The following ERICH3 variants were observed in gnomAD, a reference collection of about 807,000 sequenced individuals.
ERICH3 encodes glutamate-rich protein 3.
A neutral mutation model predicts 131.1 loss-of-function variants in ERICH3; 126 were observed. The observed-to-expected ratio is 0.96, with a 90% CI of 0.83 to 1.11. The LOEUF is 1.11. ERICH3 is among the 50% of genes most tolerant of loss of function. The probability of loss-of-function intolerance (pLI) is 0.00; values close to 1 mark genes in which losing one functional copy is unlikely to be tolerated. For missense variants in ERICH3, 2,050 were observed against 1,810.7 expected, an observed-to-expected ratio of 1.13 and a Z score of -2.40; for synonymous variants, 695 against 644.6, an observed-to-expected ratio of 1.08 and a Z score of -1.18.
chr1:74,670,468 C>T (rs916603495), intron 1 of ERICH3, among the ~76,000 whole-genome samples: 2 of 152,200 alleles, frequency 1.3e-5, no homozygotes, highest in Non-Finnish European at 2.9e-5. Context: ...GGACCCCGAA[C>T]AGACAGACTA....
Position 74,590,070 on chromosome 1 carries a change from A to T in ERICH3, c.1737T>A (p.Thr579=). ...GACTTCTGGATGAGGTTGATGAAGC[A>T]GTTTTCATATCTACAAAAAATAAAA... ...ELEEDKQDMK[T]ASSTSSRSHP... Residue 579 remains threonine, a synonymous_variant, in exon 12 of 15, where the codon ACT becomes ACA. Coordinates refer to ENST00000326665, the MANE Select transcript of ERICH3 (RefSeq NM_001002912.5). 6.3e-7 allele frequency: 1 copy of T among 1,592,712 alleles called. No individual in the cohort carries two copies. The highest frequency in any genetic ancestry group is 8.6e-7 in the Non-Finnish European group (1 of 1,168,414).
At chr1:74,595,410 G>A (rs573168014) in intron 11 of ERICH3, among the ~76,000 whole-genome samples, 1 of 152,158 alleles carries the variant, frequency 6.6e-6, no homozygotes, top group Admixed American at 6.6e-5. Context: ...ATTATTATCA[G>A]ATGAAATGTC....
chr1:74,641,492 C>A, intron 4 of ERICH3, 33 bp from the exon 5 acceptor site: 1 of 1,601,290 alleles, frequency 6.2e-7, no homozygotes, highest in Non-Finnish European at 8.5e-7. Context: ...CAAATAGATG[C>A]ATAGTTAGTA....
At chr1:74,574,424 CTAGATT>C (rs1647015715) in intron 13 of ERICH3, among the ~76,000 whole-genome samples, 1 of 152,282 alleles carries the variant, frequency 6.6e-6, no homozygotes, top group Non-Finnish European at 1.5e-5. Flanking sequence ...GCTACTATAT[CTAGATT>C]TAGTCATCAC....
Position 74,573,149 on chromosome 1 carries a change from C to T in ERICH3, c.2561G>A (p.Gly854Glu), listed in dbSNP as rs138902428. 1.2e-6 allele frequency: 2 copies of T among 1,613,056 alleles called. No individual in the cohort carries two copies. Among genetic ancestry groups the T allele is most frequent in the Admixed American group, 3.3e-5 (2 of 59,974 alleles). The change falls in exon 14 of 15, where the codon GGG (glycine) becomes GAG (glutamate). Residue 854 changes from glycine to glutamate, a missense_variant. Transcript: ENST00000326665. The part of the protein sequence containing the change: ...EAEGVRRLGE[G>E]GSDPIGQAAA... ...TGCTTGTCCTATGGGGTCTGACCCC[C>T]CTTCACCCAGCCTTCTGACCCCTTC...
chr1:74,656,453 A>G (rs1646584778), intron 1 of ERICH3, among the ~76,000 whole-genome samples: 1 of 152,170 alleles, frequency 6.6e-6, no homozygotes, highest in Non-Finnish European at 1.5e-5. Context: ...GCATGGCGGA[A>G]GGTGGAAGAG....
rs776953326 is a variant in ERICH3 at position 74,571,420 on chromosome 1, C to T, written c.4290G>A (p.Gly1430=). The T allele has an allele frequency of 3.7e-6, 6 of 1,613,992 alleles. No individual in the cohort carries two copies. In the South Asian group the frequency reaches 5.5e-5, roughly 15 times the overall value. ...EMTVTYTTEA[G]VGTPGALERK... ...GCTCCAGGGCTCCTGGAGTGCCCAC[C>T]CCAGCCTCTGTTGTATATGTCACTG... The change falls in exon 14 of 15, where the codon GGG becomes GGA. Residue 1430 remains glycine (G), a synonymous_variant. Transcript: ENST00000326665.
chr1:74,589,126 AGAT>A (rs2100560027), intron 12 of ERICH3, among the ~76,000 whole-genome samples: 1 of 152,260 alleles, frequency 6.6e-6, no homozygotes, highest in East Asian at 1.9e-4. Flanking sequence ...TGTAAAAAAG[AGAT>A]GATGATAATA....
chr1:74,572,177 C>T lies in ERICH3; in HGVS notation c.3533G>A (p.Gly1178Glu), dbSNP rs772498300. Residue 1178 changes from glycine to glutamate, a missense_variant, in exon 14 of 15, where the codon GGA becomes GAA. By Grantham distance (98) the Gly-to-Glu change is moderately conservative. Coordinates refer to ENST00000326665, the MANE Select transcript of ERICH3 (RefSeq NM_001002912.5). The part of the protein sequence containing the change: ...ENITALRKEG[G>E]GERLSEARDT... ...TCTGGCTTCACTCAGTCTTTCCCCT[C>T]CTCCTTCTTTCCTCAGAGCTGTTAT... The T allele has an allele frequency of 7.6e-6, 12 of 1,584,350 alleles. No individual in the cohort carries two copies. Among genetic ancestry groups the T allele is most frequent in the East Asian group, 2.3e-5 (1 of 42,830 alleles).
At chr1:74,613,946 C>G (rs1008532843) in intron 8 of ERICH3, among the ~76,000 whole-genome samples, 1 of 152,322 alleles carries the variant, frequency 6.6e-6, no homozygotes, top group South Asian at 2.1e-4. Flanking sequence ...CACCTCTCTA[C>G]TATGTACGCA....
intron 7 of ERICH3, among the ~76,000 whole-genome samples, chr1:74,628,133 T>TG (rs912107202): frequency 1.3e-5 from 2 of 152,228 alleles, no homozygotes; most frequent in African/African-American, 4.8e-5. Context: ...AAATGCCATG[T>TG]GACACTAGTC....
chr1:74,641,335 G>A lies in ERICH3; in HGVS notation c.440C>T (p.Ala147Val). The change falls in exon 5 of 15, where the codon GCA becomes GTA. Residue 147 changes from alanine to valine, a missense_variant. Physicochemically the swap from Ala to Val is moderately conservative, Grantham distance 64. Coordinates refer to ENST00000326665, the MANE Select transcript of ERICH3 (RefSeq NM_001002912.5). Reference sequence around the variant, plus strand: ...GAAGTGTTTAATATTACTCACCAGTGCTAACGGACTGGAATGTCCTTCATC... The same window carrying A: ...GAAGTGTTTAATATTACTCACCAGTACTAACGGACTGGAATGTCCTTCATC... Reference protein sequence around the residue: ...LVDEGHSSPLALTAPRPYTAP... With the variant: ...LVDEGHSSPLVLTAPRPYTAP... 1 of 1,612,486 alleles carries A rather than the reference G, an allele frequency of 6.2e-7. No individual in the cohort carries two copies. The highest frequency in any genetic ancestry group is 8.5e-7 in the Non-Finnish European group (1 of 1,179,206).
At chr1:74,655,706 A>C (rs2100648671) in intron 1 of ERICH3, among the ~76,000 whole-genome samples, 1 of 152,284 alleles carries the variant, frequency 6.6e-6, no homozygotes, top group South Asian at 2.1e-4. Context: ...TGAAGGCTAG[A>C]ATATGGACAT....
At chr1:74,666,514 A>C (rs1557706783) in intron 1 of ERICH3, among the ~76,000 whole-genome samples, 1 of 152,172 alleles carries the variant, frequency 6.6e-6, no homozygotes, top group African/African-American at 2.4e-5. Context: ...CTCCAGAAAA[A>C]CATTAATCCA....
chr1:74,588,155 A>G (rs912198160), intron 12 of ERICH3, among the ~76,000 whole-genome samples: 4 of 152,350 alleles, frequency 2.6e-5, no homozygotes, highest in South Asian at 4.1e-4. Flanking sequence ...TCCACTATCT[A>G]AAACACCTTT....
At chr1:74,587,877 T>C (rs903648305) in intron 12 of ERICH3, among the ~76,000 whole-genome samples, 2 of 152,218 alleles carry the variant, frequency 1.3e-5, no homozygotes, top group East Asian at 3.8e-4. Flanking sequence ...TCTTGATTTA[T>C]ATATGACAAA....
chr1:74,636,156 A>G, intron 6 of ERICH3, 124 bp downstream of exon 6: 1 of 794,112 alleles, frequency 1.3e-6, no homozygotes, highest in Non-Finnish European at 1.8e-6. Flanking sequence ...TAAGTGTTTC[A>G]TACATATACA....
intron 7 of ERICH3, chr1:74,624,439 A>T (rs1649345378): frequency 6.6e-6 from 1 of 152,208 alleles, no homozygotes; most frequent in Admixed American, 6.5e-5. Context: ...GCACTACATT[A>T]CACATGTTCT....
intron 1 of ERICH3, among the ~76,000 whole-genome samples, chr1:74,650,181 A>T (rs1270903694): frequency 6.6e-6 from 1 of 152,192 alleles, no homozygotes; most frequent in Non-Finnish European, 1.5e-5. Context: ...ATATATATCT[A>T]GACATTTGCA....
Sources: gnomAD v4.1 joint callset for allele counts (sites outside exome capture counted in the v4.1 genomes callset) on GRCh38, gnomAD v4.1.1 for gene constraint, MANE v1.5 for transcripts, NCBI Gene and HGNC (gene_info 2026-07-23, HGNC 2026-07-21) for gene names.